POLD1: variants seen among roughly 807,000 people sequenced by gnomAD.
POLD1 encodes the protein DNA polymerase delta 1, catalytic subunit, also known as DNA polymerase delta catalytic subunit.
A neutral mutation model predicts 129.7 loss-of-function variants in POLD1; 79 were observed. The observed-to-expected ratio is 0.61, with a 90% confidence interval of 0.51 to 0.73. The LOEUF (loss-of-function observed/expected upper bound fraction) is 0.73, where lower values mean the gene tolerates loss of function less well. Among genes scored for constraint, POLD1 ranks in the 30% least tolerant of loss-of-function variants. POLD1 has a pLI of 0.00. For missense variants in POLD1, 1,338 were observed against 1,595.8 expected (o/e 0.84, Z 2.75); for synonymous variants, 714 against 683.3 (o/e 1.04, Z -0.70).
At chr19:50,412,711 G>A (rs538258947) in intron 17 of POLD1, among the ~76,000 whole-genome samples, 119 of 149,420 alleles carry the variant, frequency 8.0e-4, no homozygotes, top group African/African-American at 2.7e-3. Flanking sequence ...CCAGCCTCAG[G>A]TTTGGTGGTG....
rs868297791 is a variant in POLD1, at chr19:50,399,004, G to T, written c.153G>T (p.Gln51His). ...AGATGGAGGCAGAACACAGGCTGCA[G>T]GAGCAGGAGGAGGAGGAGCTGCAGT... ...MEEMEAEHRL[Q>H]EQEEEELQSV... Residue 51 changes from glutamine to histidine, a missense_variant, in exon 2 of 27, where the codon CAG becomes CAT. Around this residue, in one of 3 missense-constraint regions of POLD1, gnomAD observed 332 missense variants for 315.7 expected, o/e 1.05. Transcript: ENST00000440232. The T allele has an allele frequency of 6.4e-7, 1 of 1,563,654 alleles. No homozygotes were observed.
intron 1 of POLD1, among the ~76,000 whole-genome samples, chr19:50,391,186 G>A (rs981476808): frequency 2.0e-5 from 3 of 150,842 alleles, no homozygotes; most frequent in East Asian, 1.9e-4. Flanking sequence ...ATGAGCAGCC[G>A]GGCAGAGACG....
At chr19:50,398,439 G>T (rs2038449152) in intron 1 of POLD1, among the ~76,000 whole-genome samples, 1 of 151,910 alleles carries the variant, frequency 6.6e-6, no homozygotes, top group Non-Finnish European at 1.5e-5. Context: ...GGGTGTGGTG[G>T]TGGGCGCCTG....
intron 10 of POLD1, among the ~76,000 whole-genome samples, chr19:50,403,966 G>C (rs1286768266): frequency 6.6e-6 from 1 of 152,128 alleles, no homozygotes; most frequent in Admixed American, 6.6e-5. Context: ...TGTGTTGACT[G>C]ATGGGGCAAA....
At position 50,399,351 on chromosome 19, in the gene POLD1, TC is replaced by T; in HGVS notation, c.203-18del. On this transcript the variant is annotated intron_variant, in intron 2 of 26. Coordinates refer to ENST00000440232, the MANE Select transcript of POLD1 (RefSeq NM_002691.4). ...AGACCATGACTCCATGTACTCCACT[TC>T]CTTCCCTTCCCCCACCAGGGCAGGT... The T allele has an allele frequency of 6.3e-7, 1 of 1,586,224 alleles. No homozygotes were observed. Among genetic ancestry groups the T allele is most frequent in the Middle Eastern group, 1.7e-4 (1 of 6,010 alleles).
At position 50,409,771 on chromosome 19, in the gene POLD1, A is replaced by C. The variant is rs1275214023; in HGVS notation, c.2154+105A>C. Reference sequence around the variant, plus strand: ...CTGTATCCAGAGGACTGGGCACCCCAACTCACTGGCCTTCTAGAGAGAGGA... The same window carrying C: ...CTGTATCCAGAGGACTGGGCACCCCCACTCACTGGCCTTCTAGAGAGAGGA... On this transcript the variant is annotated intron_variant, in intron 17 of 26. Transcript: ENST00000440232. The surrounding 1 kb of genome is among the most constrained non-coding windows in gnomAD (Gnocchi z 5.8). The C allele has an allele frequency of 8.0e-7, 1 of 1,250,702 alleles. No individual in the cohort carries two copies. The highest frequency in any genetic ancestry group is 1.1e-6 in the Non-Finnish European group (1 of 896,484). The allele number at this position is 1,250,702 out of a possible 1,614,324, so 77.5% of individuals were successfully genotyped here. A position where few individuals can be genotyped will look rare whatever the true frequency, so the allele number is the denominator to read the frequency against.
intron 1 of POLD1, among the ~76,000 whole-genome samples, chr19:50,387,349 G>T (rs1480938500): frequency 6.6e-6 from 1 of 152,176 alleles, no homozygotes; most frequent in Non-Finnish European, 1.5e-5. Flanking sequence ...GGAAATGAGT[G>T]TCTCACTCAT....
intron 10 of POLD1, among the ~76,000 whole-genome samples, chr19:50,405,721 GCTT>G (rs1239884066): frequency 3.9e-5 from 6 of 152,074 alleles, no homozygotes; most frequent in Admixed American, 3.3e-4. Context: ...CCCAGCTCAG[GCTT>G]CTTCTGGCCT....
rs572449832 is a variant in POLD1 at position 50,403,238 on chromosome 19, C to G, written c.1137+19C>G. The stretch of plus-strand genomic sequence containing the variant: ...GCTGCAGGTAGCTCTCGCTCCACGC[C>G]CCACACCATTTCCCGGGGTCCCCGC... On this transcript the variant is annotated intron_variant, in intron 9 of 26. Transcript: ENST00000440232. 6.5e-7 allele frequency: 1 copy of G among 1,531,364 alleles called. No individual in the cohort carries two copies. The highest frequency in any genetic ancestry group is 2.4e-5 in the East Asian group (1 of 41,066). 94.9% of individuals were successfully genotyped at this position (1,531,364 alleles called of 1,614,324 possible).
At chr19:50,390,463 C>T (rs2038117734) in intron 1 of POLD1, among the ~76,000 whole-genome samples, 2 of 152,090 alleles carry the variant, frequency 1.3e-5, no homozygotes, top group Admixed American at 6.5e-5. Context: ...TGATGAAGGA[C>T]ATCCTGTTTC....
At position 50,404,849 on chromosome 19, in the gene POLD1, GGGGGCGCTGGGGT is replaced by G. The variant is rs1568624790; in HGVS notation, c.1242+1254_1242+1266del. Reference sequence around the variant, plus strand: ...GGCTCACCACAACCTCCGCCTCCCAGGGGGCGCTGGGGTGTAGAAGTGATTCTCCTGCCTCAGC... The same window carrying G: ...GGCTCACCACAACCTCCGCCTCCCAGGTAGAAGTGATTCTCCTGCCTCAGC... On this transcript the variant is annotated intron_variant, in intron 10 of 26. Coordinates refer to ENST00000440232, the MANE Select transcript of POLD1 (RefSeq NM_002691.4). Among the ~76,000 whole-genome samples, 10 of 123,504 alleles carry G rather than the reference GGGGGCGCTGGGGT, an allele frequency of 8.1e-5. No individual in the cohort carries two copies. The South Asian group carries it at 2.1e-3, about 25-fold the overall frequency. The allele number at this position is 123,504 out of a possible 152,430, so 81.0% of individuals were successfully genotyped here.
At chr19:50,403,268 C>T (rs777698775) in intron 9 of POLD1, 49 bp downstream of exon 9, 4 of 1,491,658 alleles carry the variant, frequency 2.7e-6, no homozygotes, top group Non-Finnish European at 3.6e-6. Flanking sequence ...CCCCGCCAGC[C>T]TCCGCGTCCT....
intron 3 of POLD1, 35 bp from the exon 4 acceptor site, chr19:50,401,743 A>G: frequency 1.2e-6 from 2 of 1,607,960 alleles, no homozygotes; most frequent in Non-Finnish European, 1.7e-6. Flanking sequence ...GGACCCTGAG[A>G]GGCATGGCCG....
Position 50,415,841 on chromosome 19 carries a change from G to T in POLD1, c.2820+15G>T. On this transcript the variant is annotated intron_variant, in intron 22 of 26. Transcript: ENST00000440232. Reference sequence around the variant, plus strand: ...TGAAGTCGGAGGTCAGGCCCACCTGGCTGCCTGCTCCCGCCCAGCCCCCTC... The same window carrying T: ...TGAAGTCGGAGGTCAGGCCCACCTGTCTGCCTGCTCCCGCCCAGCCCCCTC... The T allele has an allele frequency of 6.9e-7, 1 of 1,458,036 alleles. No homozygotes were observed. The highest frequency in any genetic ancestry group is 2.5e-5 in the East Asian group (1 of 40,500). 90.3% of individuals were successfully genotyped at this position (1,458,036 alleles called of 1,614,324 possible). A position where few individuals can be genotyped will look rare whatever the true frequency, so the allele number is the denominator to read the frequency against.
In POLD1 at chr19:50,406,220, T is replaced by G. The variant is rs754552596; in HGVS notation, c.1281T>G (p.Leu427=). The change falls in exon 11 of 27, where the codon CTT becomes CTG. Residue 427 remains leucine (L), a synonymous_variant. Transcript: ENST00000440232. The surrounding 1 kb of genome is among the most constrained non-coding windows in gnomAD (Gnocchi z 5.5). ...CTTTCCTGGGCCGTGTGGCCGGCCT[T>G]TGCTCCAACATCCGGGACTCTTCAT... ...TFPFLGRVAG[L]CSNIRDSSFQ... 8.7e-6 allele frequency: 14 copies of G among 1,613,846 alleles called. No individual in the cohort carries two copies. The highest frequency in any genetic ancestry group is 1.1e-5 in the Non-Finnish European group (13 of 1,179,936).
chr19:50,417,327 G>A (rs2122511239), intron 26 of POLD1, 58 bp downstream of exon 26: 1 of 1,280,312 alleles, frequency 7.8e-7, no homozygotes, highest in Non-Finnish European at 1.1e-6. Context: ...CCAGGCCTGT[G>A]GGTTGTGGAC....
intron 1 of POLD1, among the ~76,000 whole-genome samples, chr19:50,391,686 G>A (rs950972370): frequency 5.4e-5 from 8 of 146,942 alleles, no homozygotes; most frequent in Non-Finnish European, 1.0e-4. Flanking sequence ...GGGAGACTGA[G>A]AGGGGGGAGG....
chr19:50,415,317 C>T (rs1302230138), intron 20 of POLD1, 121 bp from the exon 21 acceptor site: 2 of 998,694 alleles, frequency 2.0e-6, no homozygotes, highest in African/African-American at 1.6e-5. Flanking sequence ...AGGAAGGGCC[C>T]CTCTCTGCCC....
chr19:50,416,390 C>A lies in POLD1; in HGVS notation c.2821-6C>A. On this transcript the variant is annotated splice_region_variant and splice_polypyrimidine_tract_variant and intron_variant, in intron 22 of 26. Transcript: ENST00000440232. ...CTGCCCGGGTGTGACTGCCATGTGG[C>A]CGCAGGACCCGCTGTTCGTGCTGGA... 2 of 1,548,502 alleles carry A rather than the reference C, an allele frequency of 1.3e-6. No individual in the cohort carries two copies. Among genetic ancestry groups the A allele is most frequent in the South Asian group, 1.2e-5 (1 of 83,978 alleles).
Sources: gnomAD v4.1 joint callset for allele counts (sites outside exome capture counted in the v4.1 genomes callset) on GRCh38, gnomAD v4.1.1 for gene constraint, gnomAD v4.1.1 regional missense constraint, Gnocchi (gnomAD v3.1) non-coding constraint, MANE v1.5 for transcripts, NCBI Gene and HGNC (gene_info 2026-07-23, HGNC 2026-07-21) for gene names.